Variants in DAPK2 observed in about 807,000 individuals in gnomAD.
DAPK2 encodes the protein death associated protein kinase 2, also known as death-associated protein kinase 2.
DAPK2 carries 35 observed loss-of-function variants against 44.1 expected under a neutral mutation model. The observed-to-expected ratio is 0.79, with a 90% confidence interval of 0.61 to 1.05. The LOEUF is 1.05. Ranked by LOEUF, DAPK2 falls within the 50% of genes least tolerant of loss-of-function variation. The pLI is 0.00. For synonymous variants in DAPK2, 174 were observed against 182.6 expected, an observed-to-expected ratio of 0.95 and a Z score of 0.38; for missense variants, 453 against 483.2, an observed-to-expected ratio of 0.94 and a Z score of 0.59.
intron 1 of DAPK2, among the ~76,000 whole-genome samples, chr15:63,988,562 TG>T (rs1449801128): frequency 7.3e-5 from 11 of 150,280 alleles, no homozygotes; most frequent in African/African-American, 2.7e-4. Context: ...TGGAGTACGG[TG>T]GCGCAATCTC....
chr15:64,043,529 G>A (rs1567294596), upstream of DAPK2, among the ~76,000 whole-genome samples: 1 of 152,226 alleles, frequency 6.6e-6, no homozygotes, highest in Non-Finnish European at 1.5e-5. Flanking sequence ...CATACTGTGT[G>A]ATCCCATTTA....
chr15:63,911,954 G>A (rs1192099476), exon 10 of DAPK2: 2 of 1,613,976 alleles, frequency 1.2e-6, no homozygotes, highest in South Asian at 1.1e-5. Context: ...CAGCGAGCGG[G>A]TGAGGTGGTT....
At chr15:63,921,683 C>T (rs988220759) in intron 8 of DAPK2, 1 of 152,238 alleles carries the variant, frequency 6.6e-6, no homozygotes, top group Non-Finnish European at 1.5e-5. Context: ...CTTCTTAGGC[C>T]TTCAAGGCCC....
At chr15:63,948,267 T>C (rs533814977) in intron 3 of DAPK2, among the ~76,000 whole-genome samples, 1 of 13,552 alleles carries the variant, frequency 7.4e-5, no homozygotes, top group African/African-American at 1.7e-4. Context: ...TGAGACTCCA[T>C]CTCAAAAAAA....
intron 1 of DAPK2, among the ~76,000 whole-genome samples, chr15:64,022,861 C>T (rs1190823427): frequency 6.6e-6 from 1 of 152,120 alleles, no homozygotes; most frequent in Non-Finnish European, 1.5e-5. Flanking sequence ...CCTAAAAGAG[C>T]GCACAGTCCC....
At chr15:63,945,923 G>C (rs2077438266) in intron 3 of DAPK2, among the ~76,000 whole-genome samples, 1 of 152,216 alleles carries the variant, frequency 6.6e-6, no homozygotes, top group Non-Finnish European at 1.5e-5. Flanking sequence ...ACACTGCTGG[G>C]TCCAAGCCAG....
chr15:64,021,665 C>T (rs926538516), intron 1 of DAPK2, among the ~76,000 whole-genome samples: 1 of 152,166 alleles, frequency 6.6e-6, no homozygotes, highest in South Asian at 2.1e-4. Context: ...GAACCTTCTA[C>T]TTTGGAGTAA....
At chr15:63,977,151 G>A (rs746746163) in intron 2 of DAPK2, among the ~76,000 whole-genome samples, 7 of 152,208 alleles carry the variant, frequency 4.6e-5, no homozygotes, top group Non-Finnish European at 8.8e-5. Context: ...ACTGAGATAA[G>A]ATGGCACATT....
intron 1 of DAPK2, among the ~76,000 whole-genome samples, chr15:64,036,309 G>GTGTATATATGTATATA (rs1255068392): frequency 1.8e-4 from 11 of 60,522 alleles, no homozygotes; most frequent in Admixed American, 5.3e-4. Context: ...GTGTGTGTGT[G>GTGTATATATGTATATA]TATATATATG....
At chr15:63,922,019 C>T (rs933270274) in intron 8 of DAPK2, 2 of 152,406 alleles carry the variant, frequency 1.3e-5, no homozygotes, top group African/African-American at 4.8e-5. Context: ...TACAGCAAAG[C>T]CTTACTACTT....
intron 3 of DAPK2, among the ~76,000 whole-genome samples, chr15:63,959,976 T>A: frequency 6.6e-6 from 1 of 152,240 alleles, no homozygotes; most frequent in Non-Finnish European, 1.5e-5. Flanking sequence ...TGTGAATCCG[T>A]CTGGTCCTGG....
intron 1 of DAPK2, among the ~76,000 whole-genome samples, chr15:64,011,543 T>G (rs564892207): frequency 3.3e-5 from 5 of 152,084 alleles, no homozygotes; most frequent in Non-Finnish European, 5.9e-5. Context: ...TGTGGAAGTG[T>G]TTAGGAGAAA....
intron 1 of DAPK2, among the ~76,000 whole-genome samples, chr15:64,038,383 T>A (rs2141201553): frequency 6.6e-6 from 1 of 152,324 alleles, no homozygotes; most frequent in East Asian, 1.9e-4. Context: ...GAGAATGGCA[T>A]CTTTCTGCTG....
intron 1 of DAPK2, among the ~76,000 whole-genome samples, chr15:64,028,030 G>GTATCTATCTATCTATCTATCTATC (rs777029949): frequency 5.3e-5 from 5 of 94,268 alleles, no homozygotes; most frequent in Middle Eastern, 5.1e-3. Flanking sequence ...TACATAAACT[G>GTATCTATCTATCTATCTATCTATC]TATCTATCTA....
intron 3 of DAPK2, among the ~76,000 whole-genome samples, chr15:63,967,584 A>T (rs1595818954): frequency 6.6e-6 from 1 of 152,044 alleles, no homozygotes; most frequent in African/African-American, 2.4e-5. Flanking sequence ...CCAGCTACTA[A>T]GGAGGCTGAG....
At chr15:63,988,051 G>A (rs1187975235) in intron 1 of DAPK2, among the ~76,000 whole-genome samples, 1 of 152,140 alleles carries the variant, frequency 6.6e-6, no homozygotes, top group Non-Finnish European at 1.5e-5. Flanking sequence ...ATGGTTTCGT[G>A]AGGGACAGTA....
intron 1 of DAPK2, among the ~76,000 whole-genome samples, chr15:64,005,663 C>G (rs2079206356): frequency 1.3e-5 from 2 of 152,028 alleles, no homozygotes; most frequent in African/African-American, 4.8e-5. Context: ...AAAAAACTGT[C>G]TTGCCCACAA....
At chr15:64,022,310 C>A (rs748121098) in intron 1 of DAPK2, among the ~76,000 whole-genome samples, 1 of 152,302 alleles carries the variant, frequency 6.6e-6, no homozygotes, top group Non-Finnish European at 1.5e-5. Flanking sequence ...AGGTTATTTT[C>A]TCTGTTAACA....
intron 3 of DAPK2, among the ~76,000 whole-genome samples, chr15:63,968,280 AG>A (rs1290077833): frequency 6.6e-6 from 1 of 152,244 alleles, no homozygotes; most frequent in Non-Finnish European, 1.5e-5. Flanking sequence ...GCCTAGGCCA[AG>A]GGACCCACGG....
Sources: allele counts gnomAD v4.1 joint callset (sites outside exome capture counted in the v4.1 genomes callset), GRCh38; gene constraint gnomAD v4.1.1; transcripts MANE v1.5; gene names NCBI Gene and HGNC (gene_info 2026-07-23, HGNC 2026-07-21).